TRAPPC13: variants seen among roughly 807,000 people sequenced by gnomAD.
TRAPPC13 encodes the protein trafficking protein particle complex subunit 13, also known as REV7-interacting novel NHEJ regulator 1.
Under a neutral mutation model 54.0 loss-of-function variants are expected in TRAPPC13, and 39 were observed. That is an observed-to-expected ratio of 0.72 (90% CI 0.56 to 0.94). The LOEUF is 0.94. Among genes scored for constraint, TRAPPC13 ranks in the 40% least tolerant of loss-of-function variants. The pLI is 0.00. For missense variants in TRAPPC13, 386 were observed against 488.1 expected (o/e 0.79, Z 1.97); for synonymous variants, 148 against 167.7 (o/e 0.88, Z 0.91).
intron 10 of TRAPPC13, chr5:65,661,570 G>A (rs1647368918): frequency 6.6e-6 from 1 of 152,510 alleles, no homozygotes; most frequent in African/African-American, 2.4e-5. Flanking sequence ...ATAGCCGTTA[G>A]TTATTTTTCT....
chr5:65,629,517 T>A, intron 1 of TRAPPC13: 1 of 1,441,814 alleles, frequency 6.9e-7, no homozygotes, highest in South Asian at 1.5e-5. Flanking sequence ...CAATAATAAA[T>A]TAACATTCTA....
At chr5:65,627,395 G>GT in intron 1 of TRAPPC13, among the ~76,000 whole-genome samples, 1 of 151,876 alleles carries the variant, frequency 6.6e-6, no homozygotes, top group African/African-American at 2.4e-5. Flanking sequence ...TCTTGGTTGG[G>GT]TGAGGTGGCT....
At chr5:65,626,797 A>G (rs1755255679) in intron 1 of TRAPPC13, among the ~76,000 whole-genome samples, 2 of 151,816 alleles carry the variant, frequency 1.3e-5, no homozygotes, top group Admixed American at 6.6e-5. Context: ...GGGAATTTTT[A>G]GTTTTCTGTT....
chr5:65,639,591 T>C (rs1465198095), intron 4 of TRAPPC13, among the ~76,000 whole-genome samples: 1 of 152,108 alleles, frequency 6.6e-6, no homozygotes, highest in Non-Finnish European at 1.5e-5. Flanking sequence ...AGCCCAGGAG[T>C]TTGAGGCTGC....
chr5:65,648,525 T>A (rs565655629), intron 5 of TRAPPC13, among the ~76,000 whole-genome samples: 4 of 152,254 alleles, frequency 2.6e-5, no homozygotes, highest in Admixed American at 1.3e-4. Context: ...TTACAGAAAA[T>A]GAGACTTGTA....
chr5:65,648,243 A>T (rs1756285587), intron 5 of TRAPPC13, among the ~76,000 whole-genome samples: 1 of 152,102 alleles, frequency 6.6e-6, no homozygotes, highest in African/African-American at 2.4e-5. Flanking sequence ...TATTTAGTTT[A>T]CTTCTACTTC....
Position 65,635,957 on chromosome 5 carries a change from C to G in TRAPPC13, c.129C>G (p.Asn43Lys), listed in dbSNP as rs550491488. Residue 43 changes from asparagine (N) to lysine (K), a missense_variant, in exon 3 of 13, where the codon AAC becomes AAG. Physicochemically the swap from Asn to Lys is moderately conservative, Grantham distance 94 (BLOSUM62 0). Coordinates refer to ENST00000399438, the MANE Select transcript of TRAPPC13 (RefSeq NM_024941.4). ...CTCTTCATTCAGGAGATCTCTTTAA[C>G]CAGCTGATGAGAGATGATCCTTCAA... ...EEKDLPGDLF[N>K]QLMRDDPSTV... The G allele has an allele frequency of 6.3e-7, 1 of 1,591,536 alleles. No homozygotes were observed. The highest frequency in any genetic ancestry group is 8.6e-7 in the Non-Finnish European group (1 of 1,167,850).
At chr5:65,645,027 T>C (rs1434869333) in intron 4 of TRAPPC13, among the ~76,000 whole-genome samples, 1 of 151,746 alleles carries the variant, frequency 6.6e-6, no homozygotes, top group Non-Finnish European at 1.5e-5. Context: ...TGAAACCCCA[T>C]CTCTACTAAA....
At chr5:65,642,175 T>C (rs1392001258) in intron 4 of TRAPPC13, among the ~76,000 whole-genome samples, 3 of 152,066 alleles carry the variant, frequency 2.0e-5, no homozygotes, top group African/African-American at 2.4e-5. Flanking sequence ...ATACAAAAAT[T>C]AGCTGGGCGT....
rs1005167987 is a variant in TRAPPC13, at chr5:65,664,943, A to C, written c.*332A>C. The C allele has an allele frequency of 1.3e-5, 4 of 310,130 alleles. No homozygotes were observed. The highest frequency in any genetic ancestry group is 2.4e-5 in the Non-Finnish European group (4 of 165,906). The allele number at this position is 310,130 out of a possible 1,614,324, so 19.2% of individuals were successfully genotyped here. A position where few individuals can be genotyped will look rare whatever the true frequency, so the allele number is the denominator to read the frequency against. On this transcript the variant is annotated 3_prime_UTR_variant, in exon 13 of 13. Transcript: ENST00000399438. ...ACACGAGTCAGCACACTTTTTATGT[A>C]AGGTACAAGATACTAAATATTTTAG...
chr5:65,632,614 T>G (rs1755589784), intron 1 of TRAPPC13, among the ~76,000 whole-genome samples: 1 of 152,212 alleles, frequency 6.6e-6, no homozygotes, highest in Non-Finnish European at 1.5e-5. Flanking sequence ...GTATGCAAAT[T>G]ACCCTCTGCA....
At chr5:65,634,954 T>A (rs930846580) in intron 1 of TRAPPC13, 1 of 909,396 alleles carries the variant, frequency 1.1e-6, no homozygotes, top group Admixed American at 6.2e-5. Context: ...GTTGATATTG[T>A]TTATGGTGAA....
intron 5 of TRAPPC13, 86 bp from the exon 6 acceptor site, chr5:65,650,718 TTTTCCA>T: frequency 9.9e-7 from 1 of 1,013,706 alleles, no homozygotes; most frequent in Non-Finnish European, 1.5e-6. Flanking sequence ...GATATAAGTG[TTTTCCA>T]AATTTCTTAG....
At chr5:65,645,598 A>G (rs531303504) in intron 4 of TRAPPC13, among the ~76,000 whole-genome samples, 1 of 152,050 alleles carries the variant, frequency 6.6e-6, no homozygotes, top group African/African-American at 2.4e-5. Flanking sequence ...AGGTCAGGAG[A>G]TCAAGACCAT....
intron 8 of TRAPPC13, among the ~76,000 whole-genome samples, chr5:65,657,194 C>T (rs1756687512): frequency 6.6e-6 from 1 of 151,656 alleles, no homozygotes; most frequent in Non-Finnish European, 1.5e-5. Flanking sequence ...CCAGCCTGGC[C>T]AACATGGTGA....
rs553019135 is a variant in TRAPPC13, at chr5:65,658,958, G to A, written c.698+457G>A. 9.9e-5 allele frequency among the ~76,000 whole-genome samples: 15 copies of A among 152,126 alleles called. No homozygotes were observed. The East Asian group carries it at 2.7e-3, about 27-fold the overall frequency. On this transcript the variant is annotated intron_variant, in intron 9 of 12. Coordinates refer to ENST00000399438, the MANE Select transcript of TRAPPC13 (RefSeq NM_024941.4). ...TGGTCTTCAGCTCCTGACCTCAAGCGATCTGCCCACCTTATCCTCCCAAAG... is the reference window on the plus strand; with the variant it reads ...TGGTCTTCAGCTCCTGACCTCAAGCAATCTGCCCACCTTATCCTCCCAAAG...
intron 1 of TRAPPC13, among the ~76,000 whole-genome samples, chr5:65,632,482 A>G (rs1335936607): frequency 6.6e-6 from 1 of 152,168 alleles, no homozygotes; most frequent in South Asian, 2.1e-4. Context: ...AAGGCATGAC[A>G]TTCCAGGTTT....
intron 7 of TRAPPC13, among the ~76,000 whole-genome samples, chr5:65,654,565 C>A (rs1276013822): frequency 6.6e-6 from 1 of 152,088 alleles, no homozygotes; most frequent in Non-Finnish European, 1.5e-5. Context: ...TTGACCCCAA[C>A]CAGGAATTTC....
intron 4 of TRAPPC13, among the ~76,000 whole-genome samples, chr5:65,640,972 C>CT (rs1486864117): frequency 6.6e-6 from 1 of 151,324 alleles, no homozygotes; most frequent in Non-Finnish European, 1.5e-5. Flanking sequence ...CTAGCTCTGT[C>CT]ACCCAGGCTG....
Sources: allele counts gnomAD v4.1 joint callset (sites outside exome capture counted in the v4.1 genomes callset), GRCh38; gene constraint gnomAD v4.1.1; transcripts MANE v1.5; gene names NCBI Gene and HGNC (gene_info 2026-07-23, HGNC 2026-07-21).